VEPH1: variants seen among roughly 807,000 people sequenced by gnomAD.
The protein encoded by VEPH1 is ventricular zone expressed PH domain containing 1, also known as ventricular zone-expressed PH domain-containing protein homolog 1.
VEPH1 carries 80 observed loss-of-function variants against 85.2 expected under a neutral mutation model. The observed-to-expected ratio is 0.94, with a 90% CI of 0.78 to 1.13. VEPH1 has a LOEUF of 1.13. Ranked by LOEUF, VEPH1 falls within the 50% of genes most tolerant of loss-of-function variation. The pLI is 0.00. For synonymous variants in VEPH1, 297 were observed against 348.0 expected (o/e 0.85, Z 1.63); for missense variants, 955 against 980.5 (o/e 0.97, Z 0.35).
intron 7 of VEPH1, among the ~76,000 whole-genome samples, chr3:157,377,038 T>C (rs1179901197): frequency 6.6e-6 from 1 of 152,098 alleles, no homozygotes; most frequent in Non-Finnish European, 1.5e-5. Context: ...GGAAAAGATG[T>C]TGGGAGAGAA....
chr3:157,396,495 T>C (rs1730394524), intron 6 of VEPH1, among the ~76,000 whole-genome samples: 1 of 152,206 alleles, frequency 6.6e-6, no homozygotes, highest in African/African-American at 2.4e-5. Context: ...TTCTGCCTCC[T>C]AGGTCTGTAA....
At chr3:157,272,211 A>G (rs958174750) in intron 12 of VEPH1, among the ~76,000 whole-genome samples, 19 of 145,852 alleles carry the variant, frequency 1.3e-4, no homozygotes, top group African/African-American at 5.1e-5. Flanking sequence ...CTCTCTAGTA[A>G]AGTTTTCCTG....
intron 11 of VEPH1, among the ~76,000 whole-genome samples, chr3:157,307,888 A>C (rs1719686443): frequency 6.6e-6 from 1 of 151,656 alleles, no homozygotes; most frequent in South Asian, 2.1e-4. Flanking sequence ...TAATATTAAA[A>C]AATTTTTTAT....
intron 6 of VEPH1, among the ~76,000 whole-genome samples, chr3:157,389,483 C>T (rs897455692): frequency 1.3e-5 from 2 of 152,158 alleles, no homozygotes; most frequent in African/African-American, 2.4e-5. Flanking sequence ...AAGTTTTTTG[C>T]TACTCTGTGC....
intron 2 of VEPH1, among the ~76,000 whole-genome samples, chr3:157,481,508 A>G (rs1389442537): frequency 1.3e-5 from 2 of 151,032 alleles, no homozygotes; most frequent in East Asian, 1.9e-4. Flanking sequence ...AAAAAGAACA[A>G]AGTTGGAGAC....
intron 7 of VEPH1, among the ~76,000 whole-genome samples, chr3:157,369,204 A>AAAAAAAAAAAAAC (rs1727204831): frequency 2.1e-5 from 3 of 146,160 alleles, no homozygotes; most frequent in Non-Finnish European, 4.5e-5. Flanking sequence ...AAAAAAAAAA[A>AAAAAAAAAAAAAC]CCTCCTGAGG....
At position 157,286,492 on chromosome 3, in the gene VEPH1, GGAGCTGACA is replaced by G. The variant is rs1161148640; in HGVS notation, c.2128+56_2128+64del. The G allele has an allele frequency of 4.6e-6, 6 of 1,291,646 alleles. No homozygotes were observed. In the Admixed American group the frequency reaches 1.0e-4, roughly 22 times the overall value. The allele number at this position is 1,291,646 out of a possible 1,614,324, so 80.0% of individuals were successfully genotyped here. A position where few individuals can be genotyped will look rare whatever the true frequency, so the allele number is the denominator to read the frequency against. On this transcript the variant is annotated intron_variant, in intron 12 of 13. Coordinates refer to ENST00000362010, the MANE Select transcript of VEPH1 (RefSeq NM_001167912.2). ...CAAGAGGAAGGCCACCTAGAAAAAT[GGAGCTGACA>G]GATCCCTGTAATTTGGGGCACAAAT...
intron 10 of VEPH1, chr3:157,315,988 T>C (rs374211835): frequency 7.9e-5 from 12 of 152,076 alleles, no homozygotes; most frequent in African/African-American, 2.7e-4. Context: ...CACCAAAATG[T>C]GAGTTGTTCT....
rs1435580106 is a variant in VEPH1 at position 157,450,710 on chromosome 3, T to C, written c.529+9471A>G. ...CAAAGAGGTACTGAATTTTATGAGA[T>C]ACTTTTTACTAATCACATGATGTTT... On this transcript the variant is annotated intron_variant, in intron 4 of 13. Transcript: ENST00000362010. Among the ~76,000 whole-genome samples, 4 of 152,240 alleles carry C rather than the reference T, an allele frequency of 2.6e-5. No homozygotes were observed. In the East Asian group the frequency reaches 5.8e-4, roughly 22 times the overall value.
At chr3:157,361,489 T>C (rs1357784103) in intron 9 of VEPH1, among the ~76,000 whole-genome samples, 1 of 152,208 alleles carries the variant, frequency 6.6e-6, no homozygotes, top group Non-Finnish European at 1.5e-5. Flanking sequence ...GGCAGATGAA[T>C]ATGAATTGGA....
At chr3:157,362,127 C>T (rs77410373) in intron 9 of VEPH1, among the ~76,000 whole-genome samples, 6,426 of 152,064 alleles carry the variant, frequency 0.042, 275 homozygotes, top group South Asian at 0.19. Context: ...ACCTCTCGGG[C>T]TCAAGCCATT....
At chr3:157,316,269 C>T (rs912238565) in intron 10 of VEPH1, 2 of 151,566 alleles carry the variant, frequency 1.3e-5, no homozygotes, top group African/African-American at 4.8e-5. Context: ...GCTTTTCAGC[C>T]GTGTTATAAC....
chr3:157,269,642 G>GTTTTTTTTTTTTTTTTTTTTTTTTTTTTT (rs11408861), intron 12 of VEPH1, among the ~76,000 whole-genome samples: 71 of 115,448 alleles, frequency 6.1e-4, no homozygotes, highest in Non-Finnish European at 8.4e-4. Flanking sequence ...TGTTTTTGTT[G>GTTTTTTTTTTTTTTTTTTTTTTTTTTTTT]TTTTTTTTTT....
chr3:157,283,665 G>C (rs182063161), intron 12 of VEPH1, among the ~76,000 whole-genome samples: 5 of 151,002 alleles, frequency 3.3e-5, no homozygotes, highest in Admixed American at 3.3e-4. Context: ...CTCTGGCTGA[G>C]TCTACACAGT....
intron 4 of VEPH1, chr3:157,437,397 A>G: frequency 8.0e-7 from 1 of 1,254,524 alleles, no homozygotes. Flanking sequence ...CTTAAAGGGA[A>G]GGGGAATGCC....
At chr3:157,465,118 A>G (rs1736243059) in intron 3 of VEPH1, among the ~76,000 whole-genome samples, 1 of 152,178 alleles carries the variant, frequency 6.6e-6, no homozygotes, top group Non-Finnish European at 1.5e-5. Flanking sequence ...ACTGAAGCCT[A>G]TTCTGGAGAG....
At chr3:157,468,302 G>A (rs1483778571) in intron 3 of VEPH1, among the ~76,000 whole-genome samples, 1 of 152,174 alleles carries the variant, frequency 6.6e-6, no homozygotes, top group Non-Finnish European at 1.5e-5. Flanking sequence ...ATTTAGTGAT[G>A]CACTAAAATG....
intron 1 of VEPH1, among the ~76,000 whole-genome samples, chr3:157,495,862 C>T (rs970030834): frequency 6.6e-6 from 1 of 152,178 alleles, no homozygotes; most frequent in African/African-American, 2.4e-5. Context: ...GGGAATCAAA[C>T]AGAAAGGGAG....
chr3:157,317,777 G>A (rs1337900040), intron 9 of VEPH1, among the ~76,000 whole-genome samples: 1 of 152,340 alleles, frequency 6.6e-6, no homozygotes, highest in East Asian at 1.9e-4. Flanking sequence ...TGGGTGAGTG[G>A]TGTAGAGGTG....
Sources: gnomAD v4.1 joint callset for allele counts (sites outside exome capture counted in the v4.1 genomes callset) on GRCh38, gnomAD v4.1.1 for gene constraint, MANE v1.5 for transcripts, NCBI Gene and HGNC (gene_info 2026-07-23, HGNC 2026-07-21) for gene names.